NRCAM: variants seen among roughly 807,000 people sequenced by gnomAD.
NRCAM encodes the protein NgCAM-related cell adhesion molecule.
NRCAM carries 83 observed loss-of-function variants against 156.5 expected under a neutral mutation model. The ratio of observed to expected loss-of-function variants is 0.53; its 90% confidence interval spans 0.44 to 0.64. The LOEUF is 0.64. Among genes scored for constraint, NRCAM ranks in the 30% least tolerant of loss-of-function variants. NRCAM has a pLI of 0.00. For synonymous variants in NRCAM, 538 were observed against 563.9 expected (o/e 0.95, Z 0.65); for missense variants, 1,417 against 1,597.3 (o/e 0.89, Z 1.92).
In NRCAM at chr7:108,194,313, C is replaced by A. The variant is rs575809441; in HGVS notation, c.1579G>T (p.Ala527Ser). ...TTCGCCATCCCTAATTTATTCCTTGCAACACACGTATAAGTTCCTGTACTG... is the reference window on the plus strand; with the variant it reads ...TTCGCCATCCCTAATTTATTCCTTGAAACACACGTATAAGTTCCTGTACTG... ...KDSTGTYTCVARNKLGMAKNE... is the reference protein window; with the variant it reads ...KDSTGTYTCVSRNKLGMAKNE... Residue 527 changes from alanine to serine, a missense_variant, in exon 16 of 33, where the codon GCA (alanine) becomes TCA (serine). Transcript: ENST00000379028. 1.9e-6 allele frequency: 3 copies of A among 1,613,634 alleles called. No individual in the cohort carries two copies. In the South Asian group the frequency reaches 3.3e-5, roughly 18 times the overall value.
chr7:108,333,495 G>C (rs996916564), intron 2 of NRCAM, among the ~76,000 whole-genome samples: 1 of 152,002 alleles, frequency 6.6e-6, no homozygotes, highest in Non-Finnish European at 1.5e-5. Flanking sequence ...AGCTGGAAGA[G>C]ATCTTTTTAA....
At chr7:108,240,231 C>T (rs545866167) in intron 3 of NRCAM, 61 bp from the exon 4 acceptor site, 43 of 522,358 alleles carry the variant, frequency 8.2e-5, no homozygotes, top group Middle Eastern at 5.3e-4. Context: ...AAATGAAGAG[C>T]GGAAGTCTGC....
chr7:108,347,783 C>CTCAAGGCTGGCT (rs1160656844), intron 2 of NRCAM, among the ~76,000 whole-genome samples: 74 of 152,332 alleles, frequency 4.9e-4, no homozygotes, highest in African/African-American at 1.7e-3. Context: ...TGAGGAATGC[C>CTCAAGGCTGGCT]TCAAGGCTGG....
rs151096666 is a variant in NRCAM at position 108,371,273 on chromosome 7, G to T, written c.-174+28163C>A. Reference sequence around the variant, plus strand: ...AAGAGGGCAATGAAGAAAGGGAAAAGTTGGGCTAAAATTTTATTTTCTTGG... The same window carrying T: ...AAGAGGGCAATGAAGAAAGGGAAAATTTGGGCTAAAATTTTATTTTCTTGG... On this transcript the variant is annotated intron_variant, in intron 2 of 32. Coordinates refer to ENST00000379028, the MANE Select transcript of NRCAM (RefSeq NM_001037132.4). Among the ~76,000 whole-genome samples, 161 of 152,278 alleles carry T rather than the reference G, an allele frequency of 1.1e-3. 1 individual carries two copies. Among genetic ancestry groups the T allele is most frequent in the African/African-American group, 3.2e-3 (131 of 41,572 alleles).
Position 108,399,611 on chromosome 7 carries a change from T to C in NRCAM, c.-331-18A>G, listed in dbSNP as rs929825526. On this transcript the variant is annotated intron_variant, in intron 1 of 32. Transcript: ENST00000379028. Reference sequence around the variant, plus strand: ...AAAGATTCCTGAAAAAGAAAAAAAGTAACACAGGACAATGTAAATTGTTTT... The same window carrying C: ...AAAGATTCCTGAAAAAGAAAAAAAGCAACACAGGACAATGTAAATTGTTTT... 1 of 152,198 alleles carries C rather than the reference T, an allele frequency of 6.6e-6. No individual in the cohort carries two copies. The highest frequency in any genetic ancestry group is 2.4e-5 in the African/African-American group (1 of 41,462). 9.4% of individuals were successfully genotyped at this position (152,198 alleles called of 1,614,324 possible). A position where few individuals can be genotyped will look rare whatever the true frequency, so the allele number is the denominator to read the frequency against.
At chr7:108,420,097 A>G (rs1311151135) in intron 1 of NRCAM, among the ~76,000 whole-genome samples, 2 of 151,484 alleles carry the variant, frequency 1.3e-5, no homozygotes, top group African/African-American at 4.8e-5. Context: ...AAGTATTTGA[A>G]TCTACAAAAG....
intron 2 of NRCAM, among the ~76,000 whole-genome samples, chr7:108,374,189 A>G (rs1563498199): frequency 6.6e-6 from 1 of 152,174 alleles, no homozygotes; most frequent in Non-Finnish European, 1.5e-5. Flanking sequence ...ACTAGTAACT[A>G]GGGCTCTGAA....
At chr7:108,433,426 C>G (rs1340534483) in intron 1 of NRCAM, among the ~76,000 whole-genome samples, 1 of 152,122 alleles carries the variant, frequency 6.6e-6, no homozygotes, top group Admixed American at 6.5e-5. Flanking sequence ...TTTGGGAGAC[C>G]AGCAGCACTG....
intron 2 of NRCAM, among the ~76,000 whole-genome samples, chr7:108,344,033 C>T (rs2099324598): frequency 6.6e-6 from 1 of 152,154 alleles, no homozygotes; most frequent in African/African-American, 2.4e-5. Flanking sequence ...ATGTTAATGA[C>T]ACCAAAGGCA....
intron 22 of NRCAM, 83 bp from the exon 23 acceptor site, chr7:108,183,003 G>T: frequency 1.8e-6 from 2 of 1,108,322 alleles, no homozygotes; most frequent in Non-Finnish European, 1.3e-6. Context: ...TCAATTCCCA[G>T]ACCTACAGAA....
At chr7:108,407,938 T>C (rs1191590939) in intron 1 of NRCAM, among the ~76,000 whole-genome samples, 1 of 152,226 alleles carries the variant, frequency 6.6e-6, no homozygotes, top group Non-Finnish European at 1.5e-5. Flanking sequence ...TAATTGGTCT[T>C]GGGTAGGACT....
chr7:108,224,512 G>A (rs2093074185), intron 10 of NRCAM, among the ~76,000 whole-genome samples: 1 of 152,008 alleles, frequency 6.6e-6, no homozygotes, highest in Non-Finnish European at 1.5e-5. Flanking sequence ...AGTTACACAG[G>A]CCATCTTCTT....
chr7:108,160,406 G>C lies in NRCAM; in HGVS notation c.3553C>G (p.Leu1185Val). ...CAVALLILIL[L>V]IVCFIRRNKG... ...TTTCTTCTGATGAAGCAAACAATCA[G>C]CAAAATTAAGATAAGGAGAGCAACA... is the stretch of plus-strand genomic sequence containing the variant. The change falls in exon 31 of 33, where the codon CTG becomes GTG. Residue 1185 changes from leucine (L) to valine (V), a missense_variant. By Grantham distance (32) the Leu-to-Val change is conservative. Coordinates refer to ENST00000379028, the MANE Select transcript of NRCAM (RefSeq NM_001037132.4). 1 of 1,613,472 alleles carries C rather than the reference G, an allele frequency of 6.2e-7. No individual in the cohort carries two copies. The highest frequency in any genetic ancestry group is 2.2e-5 in the East Asian group (1 of 44,870).
intron 20 of NRCAM, among the ~76,000 whole-genome samples, chr7:108,188,257 A>T (rs936611895): frequency 3.3e-5 from 5 of 152,048 alleles, no homozygotes; most frequent in Non-Finnish European, 7.4e-5. Context: ...TCACTGGAGC[A>T]CCCCAAGGAG....
At chr7:108,257,350 C>G (rs2096723247) in intron 3 of NRCAM, among the ~76,000 whole-genome samples, 1 of 152,154 alleles carries the variant, frequency 6.6e-6, no homozygotes, top group Non-Finnish European at 1.5e-5. Flanking sequence ...ATAAGTTATA[C>G]TTCAAAAAAC....
chr7:108,155,507 T>C (rs2044794809), intron 32 of NRCAM, among the ~76,000 whole-genome samples: 1 of 152,092 alleles, frequency 6.6e-6, no homozygotes, highest in Admixed American at 6.6e-5. Context: ...TGACTTCCCC[T>C]GGGAAGACTC....
chr7:108,438,229 A>G (rs1034656290), intron 1 of NRCAM, among the ~76,000 whole-genome samples: 7 of 152,106 alleles, frequency 4.6e-5, no homozygotes, highest in African/African-American at 1.7e-4. Context: ...TTATAAGACC[A>G]GAAAACTACA....
At chr7:108,454,730 G>A (rs1016478439) in intron 1 of NRCAM, among the ~76,000 whole-genome samples, 4 of 152,156 alleles carry the variant, frequency 2.6e-5, no homozygotes, top group Admixed American at 2.0e-4. Flanking sequence ...ACCACCCCAG[G>A]GGGAGCTCCT....
chr7:108,381,549 AT>A (rs34858873), intron 2 of NRCAM, among the ~76,000 whole-genome samples: 2,556 of 134,116 alleles, frequency 0.019, 81 homozygotes, highest in East Asian at 0.17. Flanking sequence ...GGCTTTGACC[AT>A]TTTTTTTTTT....
Sources: gnomAD v4.1 joint callset for allele counts (sites outside exome capture counted in the v4.1 genomes callset) on GRCh38, gnomAD v4.1.1 for gene constraint, MANE v1.5 for transcripts, NCBI Gene and HGNC (gene_info 2026-07-23, HGNC 2026-07-21) for gene names.